MCOLN2: variants seen among roughly 807,000 people sequenced by gnomAD.
MCOLN2 encodes mucolipin TRP cation channel 2, also known as mucolipin-2.
A neutral mutation model predicts 67.5 loss-of-function variants in MCOLN2; 57 were observed. The ratio of observed to expected loss-of-function variants is 0.84; its 90% confidence interval spans 0.68 to 1.05. MCOLN2 has a LOEUF of 1.05. Ranked by LOEUF, MCOLN2 falls within the 50% of genes least tolerant of loss-of-function variation. The pLI, the probability that MCOLN2 is intolerant of heterozygous loss-of-function variation, is 0.00. For synonymous variants in MCOLN2, 246 were observed against 233.3 expected (o/e 1.05, Z -0.50); for missense variants, 620 against 678.8 (o/e 0.91, Z 0.96).
At chr1:84,928,505 C>G (rs1338820646) in intron 13 of MCOLN2, among the ~76,000 whole-genome samples, 1 of 152,182 alleles carries the variant, frequency 6.6e-6, no homozygotes, top group Non-Finnish European at 1.5e-5. Context: ...AAAGACCTAT[C>G]GTTTACTTTT....
At chr1:84,936,596 A>G (rs1405114828) in intron 11 of MCOLN2, among the ~76,000 whole-genome samples, 1 of 152,238 alleles carries the variant, frequency 6.6e-6, no homozygotes, top group Non-Finnish European at 1.5e-5. Flanking sequence ...AAGATTTACT[A>G]CCAACCCAGA....
At chr1:84,953,600 A>C (rs887126243) in intron 4 of MCOLN2, among the ~76,000 whole-genome samples, 5 of 152,030 alleles carry the variant, frequency 3.3e-5, no homozygotes, top group African/African-American at 1.2e-4. Flanking sequence ...GATGAAGGCT[A>C]TACAGGAAAT....
intron 1 of MCOLN2, among the ~76,000 whole-genome samples, chr1:84,987,356 A>G (rs183447344): frequency 7.8e-4 from 112 of 143,510 alleles, no homozygotes; most frequent in African/African-American, 2.6e-3. Flanking sequence ...AGATATATGT[A>G]GATATATATC....
Position 84,979,468 on chromosome 1 carries a change from C to T in MCOLN2, c.78-13760G>A, listed in dbSNP as rs1650150045. Among the ~76,000 whole-genome samples, 4 of 152,294 alleles carry T rather than the reference C, an allele frequency of 2.6e-5. No individual in the cohort carries two copies. In the South Asian group the frequency reaches 8.3e-4, roughly 32 times the overall value. The stretch of plus-strand genomic sequence containing the variant: ...AAATTCAACAACACATTAGAAAGAT[C>T]ATTCATCATGACCAAGTGGGATTTA... On this transcript the variant is annotated intron_variant, in intron 1 of 13. Coordinates refer to ENST00000370608, the MANE Select transcript of MCOLN2 (RefSeq NM_153259.4).
intron 1 of MCOLN2, among the ~76,000 whole-genome samples, chr1:84,982,090 A>ATT (rs1458660431): frequency 7.5e-6 from 1 of 133,178 alleles, no homozygotes; most frequent in African/African-American, 2.6e-5. Context: ...TTTTTTTTAA[A>ATT]AAAAAGATGA....
intron 13 of MCOLN2, 49 bp from the exon 14 acceptor site, chr1:84,926,770 C>T: frequency 1.4e-6 from 2 of 1,439,592 alleles, no homozygotes; most frequent in Admixed American, 1.8e-5. Context: ...AATACTTTAA[C>T]ATCTTTGAGG....
At chr1:84,932,536 T>C (rs1260324443) in intron 11 of MCOLN2, among the ~76,000 whole-genome samples, 2 of 152,126 alleles carry the variant, frequency 1.3e-5, no homozygotes, top group Non-Finnish European at 2.9e-5. Flanking sequence ...TAACAGACCA[T>C]TCCTTGAAAA....
intron 1 of MCOLN2, among the ~76,000 whole-genome samples, chr1:84,981,359 T>C (rs996975882): frequency 2.0e-5 from 3 of 152,186 alleles, no homozygotes; most frequent in African/African-American, 7.2e-5. Context: ...TGCACTCTCA[T>C]GTTTGTTGCA....
At chr1:84,947,221 T>G in intron 6 of MCOLN2, 89 bp from the exon 7 acceptor site, 1 of 729,026 alleles carries the variant, frequency 1.4e-6, no homozygotes, top group East Asian at 2.5e-5. Flanking sequence ...ATCACTGGCA[T>G]CCAGTGTGCT....
At chr1:84,996,520 C>T (rs924331395) in intron 1 of MCOLN2, among the ~76,000 whole-genome samples, 21 of 150,034 alleles carry the variant, frequency 1.4e-4, no homozygotes, top group Admixed American at 1.3e-3. Flanking sequence ...GGTTTGACCA[C>T]GGAGGAGGGG....
At chr1:84,936,867 A>G (rs1435143665) in intron 11 of MCOLN2, among the ~76,000 whole-genome samples, 2 of 152,216 alleles carry the variant, frequency 1.3e-5, no homozygotes, top group African/African-American at 4.8e-5. Flanking sequence ...AATACTTACC[A>G]TTTTTAACCT....
At chr1:84,995,767 G>C (rs980029387) in intron 1 of MCOLN2, among the ~76,000 whole-genome samples, 1 of 151,248 alleles carries the variant, frequency 6.6e-6, no homozygotes, top group East Asian at 1.9e-4. Flanking sequence ...CTTCTCACTT[G>C]CTTCATTAAA....
chr1:84,981,526 A>C (rs1013950147), intron 1 of MCOLN2, among the ~76,000 whole-genome samples: 1 of 152,210 alleles, frequency 6.6e-6, no homozygotes, highest in Non-Finnish European at 1.5e-5. Flanking sequence ...ACTGGCGATC[A>C]TTATGTTAAG....
intron 1 of MCOLN2, among the ~76,000 whole-genome samples, chr1:84,987,323 T>A (rs1359316262): frequency 7.2e-6 from 1 of 139,204 alleles, no homozygotes; most frequent in Non-Finnish European, 1.6e-5. Context: ...TATATGTATA[T>A]AGATATATAG....
chr1:84,954,194 A>C (rs1471499895), intron 4 of MCOLN2, among the ~76,000 whole-genome samples: 1 of 152,260 alleles, frequency 6.6e-6, no homozygotes, highest in Non-Finnish European at 1.5e-5. Flanking sequence ...AATGAAAATT[A>C]GATGTCCTGA....
rs753712620 is a variant in MCOLN2 at position 84,931,381 on chromosome 1, T to A, written c.1523A>T (p.Asp508Val). The change falls in exon 12 of 14, where the codon GAT becomes GTT. Residue 508 changes from aspartate (D) to valine (V), a missense_variant. By Grantham distance (152) the Asp-to-Val change is radical. Coordinates refer to ENST00000370608, the MANE Select transcript of MCOLN2 (RefSeq NM_153259.4). ...ACTTACCTTAATGGTGTCATAAGAA[T>A]CTGTAATAAGTGCAATAAAAAGACT... ...ILSLFIALIT[D>V]SYDTIKKFQQ... 6.3e-7 allele frequency: 1 copy of A among 1,575,166 alleles called. No individual in the cohort carries two copies. Among genetic ancestry groups the A allele is most frequent in the South Asian group, 1.1e-5 (1 of 89,852 alleles).
At chr1:84,986,263 G>A (rs921077757) in intron 1 of MCOLN2, among the ~76,000 whole-genome samples, 5 of 152,158 alleles carry the variant, frequency 3.3e-5, no homozygotes, top group South Asian at 2.1e-4. Flanking sequence ...AAACTGGGCC[G>A]GGCGTGGTAG....
At position 84,996,993 on chromosome 1, in the gene MCOLN2, G is replaced by T; in HGVS notation, c.-121C>A. On this transcript the variant is annotated 5_prime_UTR_variant, in exon 1 of 14. Transcript: ENST00000370608. Reference sequence around the variant, plus strand: ...CGAAGTTGGAGCCCTGCAAAGCGGGGTTCCCTTCTCTTACCCTTTCTGCCG... The same window carrying T: ...CGAAGTTGGAGCCCTGCAAAGCGGGTTTCCCTTCTCTTACCCTTTCTGCCG... The T allele has an allele frequency of 1.2e-6, 1 of 864,226 alleles. No homozygotes were observed. 53.5% of individuals were successfully genotyped at this position (864,226 alleles called of 1,614,324 possible).
intron 11 of MCOLN2, 36 bp downstream of exon 11, chr1:84,937,711 TCCCACGTG>T (rs776985022): frequency 9.3e-6 from 15 of 1,607,094 alleles, no homozygotes; most frequent in African/African-American, 1.3e-5. Flanking sequence ...CGTTCAAGGG[TCCCACGTG>T]CCCCATCTGC....
Sources: gnomAD v4.1 joint callset for allele counts (sites outside exome capture counted in the v4.1 genomes callset) on GRCh38, gnomAD v4.1.1 for gene constraint, MANE v1.5 for transcripts, NCBI Gene and HGNC (gene_info 2026-07-23, HGNC 2026-07-21) for gene names.